Variants in DHRS4L2 observed in about 807,000 individuals in gnomAD.
DHRS4L2 encodes dehydrogenase/reductase 4 like 2.
A neutral mutation model predicts 23.9 loss-of-function variants in DHRS4L2; 22 were observed. The observed-to-expected ratio is 0.92, with a 90% CI of 0.66 to 1.31. The LOEUF (loss-of-function observed/expected upper bound fraction) is 1.31, where lower values mean the gene tolerates loss of function less well. Among genes scored for constraint, DHRS4L2 ranks in the 40% most tolerant of loss-of-function variants. DHRS4L2 has a pLI of 0.00. For synonymous variants in DHRS4L2, 141 were observed against 123.7 expected (o/e 1.14, Z -0.93); for missense variants, 385 against 303.3 (o/e 1.27, Z -2.00).
At chr14:23,976,422 T>A (rs1279697104) in intron 1 of DHRS4L2, among the ~76,000 whole-genome samples, 1 of 151,650 alleles carries the variant, frequency 6.6e-6, no homozygotes, top group African/African-American at 2.4e-5. Flanking sequence ...CTCACAACAC[T>A]TAGAATGGCA....
At position 24,005,587 on chromosome 14, in the gene DHRS4L2, T is replaced by A. The variant is rs1219744666; in HGVS notation, c.*23-299T>A. 2.0e-5 allele frequency among the ~76,000 whole-genome samples: 3 copies of A among 152,166 alleles called. 1 individual carries two copies. The highest frequency in any genetic ancestry group is 7.2e-5 in the African/African-American group (3 of 41,400). Reference sequence around the variant, plus strand: ...TTTTTTGAAGTATGAAATAATTAATTGCTCACCATTTTATCTATATAACTT... The same window carrying A: ...TTTTTTGAAGTATGAAATAATTAATAGCTCACCATTTTATCTATATAACTT... On this transcript the variant is annotated intron_variant, in intron 7 of 7. Transcript: ENST00000335125.
In DHRS4L2 at chr14:24,001,485, C is replaced by G. The variant is rs766078039; in HGVS notation, c.633C>G (p.His211Gln). ...GGAACATTAGGGTGAACTGCCTGCA[C>G]CTGGACTTATCAAGACTAGCTTCAG... ...APRNIRVNCL[H>Q]LDLSRLASAG... is the part of the protein sequence containing the mutation. Residue 211 changes from histidine to glutamine, a missense_variant, in exon 6 of 8, where the codon CAC (histidine) becomes CAG (glutamine). Coordinates refer to ENST00000335125, the MANE Select transcript of DHRS4L2 (RefSeq NM_198083.4). 17 of 1,603,642 alleles carry G rather than the reference C, an allele frequency of 1.1e-5. 1 individual carries two copies. In the Admixed American group the frequency reaches 2.9e-4, roughly 27 times the overall value.
intron 7 of DHRS4L2, 21 bp downstream of exon 7, chr14:24,004,413 G>C (rs373778275): frequency 6.3e-7 from 1 of 1,595,500 alleles, no homozygotes; most frequent in African/African-American, 1.5e-5. Context: ...ATGAGGGCAA[G>C]GGCACTAAGA....
At chr14:23,993,020 AC>A (rs1156738866) in intron 2 of DHRS4L2, among the ~76,000 whole-genome samples, 1 of 147,098 alleles carries the variant, frequency 6.8e-6, no homozygotes, top group Admixed American at 6.8e-5. Flanking sequence ...TTCAATCAAA[AC>A]CCAGCCTCCT....
intron 3 of DHRS4L2, among the ~76,000 whole-genome samples, chr14:24,000,396 G>A (rs1459789973): frequency 1.3e-5 from 2 of 150,774 alleles, no homozygotes; most frequent in Non-Finnish European, 3.0e-5. Flanking sequence ...CCTTCCTAGA[G>A]GGCCAAGAAC....
intron 1 of DHRS4L2, among the ~76,000 whole-genome samples, 185 bp downstream of exon 1, chr14:23,989,260 C>T (rs1312670038): frequency 6.7e-6 from 1 of 150,344 alleles, no homozygotes; most frequent in Non-Finnish European, 1.5e-5. Flanking sequence ...CCTTGCCAGC[C>T]CTTCTGTCCC....
chr14:23,974,926 G>C (rs1311540751), intron 1 of DHRS4L2, among the ~76,000 whole-genome samples: 1 of 151,760 alleles, frequency 6.6e-6, no homozygotes, highest in Non-Finnish European at 1.5e-5. Context: ...GGATATCAAA[G>C]CTTGGCAGAG....
intron 1 of DHRS4L2, among the ~76,000 whole-genome samples, chr14:23,973,159 A>G (rs1457704085): frequency 3.3e-5 from 5 of 151,958 alleles, no homozygotes; most frequent in South Asian, 4.2e-4. Context: ...TATGGGTGTC[A>G]GGCTGGGGGA....
chr14:23,995,307 C>T (rs550395967), intron 3 of DHRS4L2, among the ~76,000 whole-genome samples, 174 bp downstream of exon 3: 5 of 151,832 alleles, frequency 3.3e-5, no homozygotes, highest in Admixed American at 3.3e-4. Context: ...TCTTTCTCTG[C>T]CCTTCTCATT....
intron 7 of DHRS4L2, 77 bp from the exon 8 acceptor site, chr14:24,005,809 T>G: frequency 6.4e-7 from 1 of 1,570,790 alleles, no homozygotes; most frequent in Admixed American, 1.9e-5. Context: ...TTAAGCAAAT[T>G]TAACTCCCCG....
chr14:23,992,345 A>C (rs950675652), intron 2 of DHRS4L2, among the ~76,000 whole-genome samples: 2 of 151,660 alleles, frequency 1.3e-5, no homozygotes, highest in Non-Finnish European at 2.9e-5. Context: ...AAAAGTGGGA[A>C]ATAGAGAAGT....
chr14:24,000,292 T>C (rs2034460465), intron 3 of DHRS4L2, among the ~76,000 whole-genome samples: 1 of 149,732 alleles, frequency 6.7e-6, no homozygotes. Flanking sequence ...TTTTAGATTA[T>C]GGATGTGGGG....
intron 1 of DHRS4L2, among the ~76,000 whole-genome samples, chr14:23,974,675 T>C (rs1330349656): frequency 2.6e-5 from 4 of 151,768 alleles, no homozygotes; most frequent in African/African-American, 9.7e-5. Context: ...CTTGGACACA[T>C]ACACCTTCTG....
chr14:24,000,004 T>A (rs1395324523), intron 3 of DHRS4L2, among the ~76,000 whole-genome samples: 1 of 141,456 alleles, frequency 7.1e-6, no homozygotes, highest in South Asian at 2.2e-4. Context: ...CCTGAGTTTT[T>A]TTTTTTTTAA....
intron 1 of DHRS4L2, among the ~76,000 whole-genome samples, chr14:23,979,168 T>G (rs2034018670): frequency 6.7e-6 from 1 of 148,856 alleles, no homozygotes; most frequent in East Asian, 2.0e-4. Flanking sequence ...TAAAACAGAC[T>G]TTAAACCAAC....
intron 2 of DHRS4L2, among the ~76,000 whole-genome samples, chr14:23,991,354 C>T (rs147709616): frequency 2.0e-5 from 3 of 151,758 alleles, no homozygotes; most frequent in Admixed American, 6.6e-5. Flanking sequence ...GTCGACAAAG[C>T]CCAAGATTGG....
At chr14:23,971,479 A>G (rs575596518) in intron 1 of DHRS4L2, among the ~76,000 whole-genome samples, 20 of 152,146 alleles carry the variant, frequency 1.3e-4, no homozygotes, top group African/African-American at 4.8e-4. Flanking sequence ...AAACATTCAA[A>G]TTCAGGAAAT....
rs759560964 is a variant in DHRS4L2 at position 23,995,084 on chromosome 14, A to G, written c.359A>G (p.Asn120Ser). 8 of 1,612,944 alleles carry G rather than the reference A, an allele frequency of 5.0e-6. No homozygotes were observed. In the Admixed American group the frequency reaches 8.3e-5, roughly 17 times the overall value. Reference protein sequence around the residue: ...IDILVSNAAVNPFFGSLMDVT... With the variant: ...IDILVSNAAVSPFFGSLMDVT... Reference sequence around the variant, plus strand: ...ATCCTAGTCTCCAATGCTGCTGTCAACCCTTTCTTTGGAAGCCTAATGGAT... The same window carrying G: ...ATCCTAGTCTCCAATGCTGCTGTCAGCCCTTTCTTTGGAAGCCTAATGGAT... Residue 120 changes from asparagine to serine, a missense_variant, in exon 3 of 8, where the codon AAC becomes AGC. Physicochemically the swap from Asn to Ser is conservative, Grantham distance 46. Transcript: ENST00000335125.
chr14:23,980,750 A>C lies in DHRS4L2; in HGVS notation c.-175-9432A>C, dbSNP rs1262245020. The stretch of plus-strand genomic sequence containing the variant: ...GCAGAAAAGACCTTTGACAAAATTC[A>C]ACAGCCTTTCATGCTAAAAACTCTC... On this transcript the variant is annotated intron_variant, in intron 1 of 5. Coordinates refer to the DHRS4L2 transcript ENST00000534993. Among the ~76,000 whole-genome samples, 6 of 151,362 alleles carry C rather than the reference A, an allele frequency of 4.0e-5. 1 individual carries two copies. Among genetic ancestry groups the C allele is most frequent in the African/African-American group, 9.7e-5 (4 of 41,192 alleles).
Sources: allele counts gnomAD v4.1 joint callset (sites outside exome capture counted in the v4.1 genomes callset), GRCh38; gene constraint gnomAD v4.1.1; transcripts MANE v1.5; gene names NCBI Gene and HGNC (gene_info 2026-07-23, HGNC 2026-07-21).